Variants in ZC3H12D observed in about 807,000 individuals in gnomAD.
The protein encoded by ZC3H12D is probable ribonuclease ZC3H12D.
Under a neutral mutation model 24.2 loss-of-function variants are expected in ZC3H12D, and 11 were observed. The observed-to-expected ratio is 0.46, with a 90% confidence interval of 0.29 to 0.75. The LOEUF (loss-of-function observed/expected upper bound fraction) is 0.75, where lower values mean the gene tolerates loss of function less well. ZC3H12D is among the 30% of genes least tolerant of loss of function. The probability of loss-of-function intolerance (pLI) is 0.11; values close to 1 mark genes in which losing one functional copy is unlikely to be tolerated. For synonymous variants in ZC3H12D, 333 were observed against 341.8 expected, an observed-to-expected ratio of 0.97 and a Z score of 0.28; for missense variants, 740 against 767.7, an observed-to-expected ratio of 0.96 and a Z score of 0.43.
At chr6:149,470,647 A>C (rs550364590) in intron 2 of ZC3H12D, among the ~76,000 whole-genome samples, 2 of 152,362 alleles carry the variant, frequency 1.3e-5, no homozygotes, top group African/African-American at 4.8e-5. Flanking sequence ...TTAGTCCAAC[A>C]TCCTAATTGT....
intron 1 of ZC3H12D, among the ~76,000 whole-genome samples, chr6:149,479,554 CCACAG>C (rs974058412): frequency 2.2e-4 from 33 of 152,242 alleles, no homozygotes; most frequent in African/African-American, 7.7e-4. Flanking sequence ...ATCTCATCTA[CCACAG>C]CACTTTGCTC....
At chr6:149,458,111 C>CTTT (rs57317596) in intron 3 of ZC3H12D, among the ~76,000 whole-genome samples, 19,857 of 79,928 alleles carry the variant, frequency 0.25, 2,358 homozygotes, top group Non-Finnish European at 0.28. Context: ...CTTTCTTTTT[C>CTTT]TTTTTTTTTT....
intron 3 of ZC3H12D, chr6:149,459,701 AC>A (rs1469239318): frequency 1.4e-6 from 1 of 717,692 alleles, no homozygotes; most frequent in Non-Finnish European, 2.6e-6. Context: ...TGAAGCTACA[AC>A]TAGGAAGGAA....
intron 3 of ZC3H12D, chr6:149,459,465 A>G (rs1041302337): frequency 1.6e-6 from 1 of 637,620 alleles, no homozygotes. Flanking sequence ...AGAGGATTGT[A>G]TTGATTGTGC....
rs573218182 is a variant in ZC3H12D, at chr6:149,462,034, C to T, written c.306-64G>A. ...AGTGTTCCTAAGAGTGATTTCCCTG[C>T]GAATATCCTGGATCACAGTCTCATA... On this transcript the variant is annotated intron_variant, in intron 2 of 5. Transcript: ENST00000409806. 1,581 of 1,537,176 alleles carry T rather than the reference C, an allele frequency of 1.0e-3. 2 individuals are homozygous for T. Among genetic ancestry groups the T allele is most frequent in the African/African-American group, 1.3e-3 (96 of 73,020 alleles).
At chr6:149,483,300 A>G (rs1776453010) in intron 1 of ZC3H12D, 1 of 152,054 alleles carries the variant, frequency 6.6e-6, no homozygotes, top group African/African-American at 2.4e-5. Context: ...GGAATTTGTA[A>G]ATTTTTTTAA....
Position 149,456,631 on chromosome 6 carries a change from G to GGCCCCCCC in ZC3H12D, c.680+34_680+35insGGGGGGGC. ...CTCGACCCCGGCCCCCCGCCCCGCCGCCCCCCAGGGTGTCAGGACCCCAGC... is the reference window on the plus strand; with the variant it reads ...CTCGACCCCGGCCCCCCGCCCCGCCGGCCCCCCCCCCCCCAGGGTGTCAGGACCCCAGC... On this transcript the variant is annotated intron_variant, in intron 4 of 5. Transcript: ENST00000409806. This position sits in a 1 kb window ranked among gnomAD's most constrained non-coding sequence, Gnocchi z 4.3. 2.5e-6 allele frequency: 2 copies of GGCCCCCCC among 794,052 alleles called. No individual in the cohort carries two copies. The highest frequency in any genetic ancestry group is 2.0e-5 in the Admixed American group (1 of 51,240). 49.2% of individuals were successfully genotyped at this position (794,052 alleles called of 1,614,324 possible).
chr6:149,482,286 G>A (rs1165586584), intron 1 of ZC3H12D, among the ~76,000 whole-genome samples: 1 of 152,242 alleles, frequency 6.6e-6, no homozygotes, highest in African/African-American at 2.4e-5. Context: ...CTCGGCCCTG[G>A]AGCCGCAGCC....
In ZC3H12D at chr6:149,448,091, C is replaced by G. The variant is rs1348689005; in HGVS notation, c.*2592G>C. 6.6e-6 allele frequency: 1 copy of G among 152,208 alleles called. No homozygotes were observed. The highest frequency in any genetic ancestry group is 1.5e-5 in the Non-Finnish European group (1 of 68,050). 9.4% of individuals were successfully genotyped at this position (152,208 alleles called of 1,614,324 possible). ...GATCACAAGGTCAGGAGATCGAGAC[C>G]ATCCTGGCTAACACGGTGAAACCCC... is the stretch of plus-strand genomic sequence containing the variant. On this transcript the variant is annotated 3_prime_UTR_variant, in exon 6 of 6. Transcript: ENST00000409806.
Position 149,456,623 on chromosome 6 carries a change from G to GGGGT in ZC3H12D, c.680+42_680+43insACCC. 1.3e-6 allele frequency: 1 copy of GGGGT among 744,590 alleles called. No homozygotes were observed. The highest frequency in any genetic ancestry group is 2.2e-6 in the Non-Finnish European group (1 of 456,108). 46.1% of individuals were successfully genotyped at this position (744,590 alleles called of 1,614,324 possible). ...GCCACTGCCTCGACCCCGGCCCCCCGCCCCGCCGCCCCCCAGGGTGTCAGG... is the reference window on the plus strand; with the variant it reads ...GCCACTGCCTCGACCCCGGCCCCCCGGGGTCCCCGCCGCCCCCCAGGGTGTCAGG... On this transcript the variant is annotated intron_variant, in intron 4 of 5. Transcript: ENST00000409806. This position sits in a 1 kb window ranked among gnomAD's most constrained non-coding sequence, Gnocchi z 4.3.
chr6:149,473,153 A>C (rs437208), intron 2 of ZC3H12D, among the ~76,000 whole-genome samples: 1 of 78,352 alleles, frequency 1.3e-5, no homozygotes. Flanking sequence ...AAAAAAACTC[A>C]AAGTACACAC....
chr6:149,451,075 A>G lies in ZC3H12D; in HGVS notation c.1192T>C (p.Phe398Leu), dbSNP rs774273285. The change falls in exon 6 of 6, where the codon TTC (phenylalanine) becomes CTC (leucine). Residue 398 changes from phenylalanine (F) to leucine (L), a missense_variant. Coordinates refer to ENST00000409806, the MANE Select transcript of ZC3H12D (RefSeq NM_207360.3). ...PLSLPSPESQFSPGDLPPPPG... is the reference protein window; with the variant it reads ...PLSLPSPESQLSPGDLPPPPG... ...GGAGGCGGGAGGTCGCCCGGGGAGAACTGGCTCTCCGGGCTAGGGAGGCTG... is the reference window on the plus strand; with the variant it reads ...GGAGGCGGGAGGTCGCCCGGGGAGAGCTGGCTCTCCGGGCTAGGGAGGCTG... The G allele has an allele frequency of 7.9e-6, 11 of 1,397,386 alleles. No individual in the cohort carries two copies. The African/African-American group carries it at 1.1e-4, about 14-fold the overall frequency. The allele number at this position is 1,397,386 out of a possible 1,614,324, so 86.6% of individuals were successfully genotyped here. A position where few individuals can be genotyped will look rare whatever the true frequency, so the allele number is the denominator to read the frequency against.
Position 149,474,598 on chromosome 6 carries a change from G to C in ZC3H12D, c.-55C>G. On this transcript the variant is annotated 5_prime_UTR_variant, in exon 2 of 6. Coordinates refer to ENST00000409806, the MANE Select transcript of ZC3H12D (RefSeq NM_207360.3). ...CTGCCCCAGGCTTCCTCCTCTCAGAGCCCTGCAGACATGAGCTAAAGAGAA... is the reference window on the plus strand; with the variant it reads ...CTGCCCCAGGCTTCCTCCTCTCAGACCCCTGCAGACATGAGCTAAAGAGAA... 7.1e-7 allele frequency: 1 copy of C among 1,400,864 alleles called. No homozygotes were observed. The highest frequency in any genetic ancestry group is 1.4e-5 in the African/African-American group (1 of 69,450). The allele number at this position is 1,400,864 out of a possible 1,614,324, so 86.8% of individuals were successfully genotyped here. A position where few individuals can be genotyped will look rare whatever the true frequency, so the allele number is the denominator to read the frequency against.
intron 1 of ZC3H12D, among the ~76,000 whole-genome samples, chr6:149,481,249 AAAAG>A (rs1442645793): frequency 2.6e-5 from 4 of 151,802 alleles, no homozygotes; most frequent in Non-Finnish European, 4.4e-5. Flanking sequence ...ATTTGGAAGA[AAAAG>A]AAAGAAAGGA....
chr6:149,484,061 G>A (rs1000077666), intron 1 of ZC3H12D, among the ~76,000 whole-genome samples: 12 of 152,182 alleles, frequency 7.9e-5, no homozygotes, highest in South Asian at 4.1e-4. Flanking sequence ...TCTCTAAGGC[G>A]GACACACAAG....
chr6:149,450,842 C>A lies in ZC3H12D; in HGVS notation c.1425G>T (p.Gly475=). Residue 475 remains glycine (G), a synonymous_variant, in exon 6 of 6, where the codon GGG becomes GGT. Coordinates refer to ENST00000409806, the MANE Select transcript of ZC3H12D (RefSeq NM_207360.3). ...CGATGCGAGCCCGGGCGCGCGCGTC[C>A]CCCTCGTCGTCCTCGGTCGCGTACA... ...LSVYATEDDE[G]DARARARIAL... 6.5e-7 allele frequency: 1 copy of A among 1,545,318 alleles called. No individual in the cohort carries two copies.
intron 1 of ZC3H12D, among the ~76,000 whole-genome samples, chr6:149,480,480 A>G (rs1776406887): frequency 6.6e-6 from 1 of 152,204 alleles, no homozygotes; most frequent in Admixed American, 6.5e-5. Flanking sequence ...AGATACCAGA[A>G]CTGACTGGGC....
At chr6:149,465,571 G>A (rs1040371451) in intron 2 of ZC3H12D, among the ~76,000 whole-genome samples, 6 of 152,010 alleles carry the variant, frequency 3.9e-5, no homozygotes, top group East Asian at 3.9e-4. Context: ...TGGCTAACAC[G>A]GTGAAATCCT....
At chr6:149,458,111 C>CTCGTTTCTTTTTTTTTTTTT (rs1246641761) in intron 3 of ZC3H12D, among the ~76,000 whole-genome samples, 1 of 80,240 alleles carries the variant, frequency 1.2e-5, no homozygotes. Context: ...CTTTCTTTTT[C>CTCGTTTCTTTTTTTTTTTTT]TTTTTTTTTT....
Sources: gnomAD v4.1 joint callset for allele counts (sites outside exome capture counted in the v4.1 genomes callset) on GRCh38, gnomAD v4.1.1 for gene constraint, Gnocchi (gnomAD v3.1) non-coding constraint, MANE v1.5 for transcripts, NCBI Gene and HGNC (gene_info 2026-07-23, HGNC 2026-07-21) for gene names.